Variants in DNAJC6 observed in about 807,000 individuals in gnomAD.
The protein encoded by DNAJC6 is auxilin.
Under a neutral mutation model 110.0 loss-of-function variants are expected in DNAJC6, and 34 were observed. That is an observed-to-expected ratio of 0.31 (90% CI 0.24 to 0.41). The LOEUF (loss-of-function observed/expected upper bound fraction) is 0.41. Ranked by LOEUF, DNAJC6 falls within the 10% of genes least tolerant of loss-of-function variation. The pLI, the probability that DNAJC6 is intolerant of heterozygous loss-of-function variation, is 1.00. For missense variants in DNAJC6, 1,031 were observed against 1,207.8 expected (o/e 0.85, Z 2.17); for synonymous variants, 406 against 437.2 (o/e 0.93, Z 0.89).
At chr1:65,352,510 A>C (rs1645501275) in intron 1 of DNAJC6, among the ~76,000 whole-genome samples, 1 of 152,202 alleles carries the variant, frequency 6.6e-6, no homozygotes, top group Non-Finnish European at 1.5e-5. Context: ...TTATCTGAAA[A>C]ATAAGAGCAA....
intron 1 of DNAJC6, among the ~76,000 whole-genome samples, chr1:65,280,615 C>T (rs1272687519): frequency 6.6e-6 from 1 of 152,078 alleles, no homozygotes; most frequent in Non-Finnish European, 1.5e-5. Flanking sequence ...TTGCTTATTT[C>T]CATGGATAGG....
chr1:65,342,200 G>T (rs1482986789), intron 1 of DNAJC6, among the ~76,000 whole-genome samples: 2 of 152,160 alleles, frequency 1.3e-5, no homozygotes, highest in African/African-American at 4.8e-5. Flanking sequence ...CTAGGGAAGA[G>T]CCTGGCTGTA....
chr1:65,411,457 G>A, intron 18 of DNAJC6, 31 bp downstream of exon 18: 1 of 1,591,562 alleles, frequency 6.3e-7, no homozygotes, highest in Middle Eastern at 1.7e-4. Context: ...TGTGTAACTT[G>A]TCAGGTCCTT....
upstream of DNAJC6, among the ~76,000 whole-genome samples, chr1:65,307,069 T>A (rs996462799): frequency 6.7e-6 from 1 of 149,804 alleles, no homozygotes; most frequent in Non-Finnish European, 1.5e-5. Context: ...TTCTTCTATA[T>A]AATGATGGTA....
chr1:65,381,217 A>C (rs1304851593), intron 5 of DNAJC6, among the ~76,000 whole-genome samples: 2 of 151,618 alleles, frequency 1.3e-5, no homozygotes, highest in Middle Eastern at 3.4e-3. Context: ...CAGGCCTCTT[A>C]TTTTTATCTT....
chr1:65,349,017 T>C (rs920219998), intron 1 of DNAJC6, among the ~76,000 whole-genome samples: 3 of 144,720 alleles, frequency 2.1e-5, no homozygotes, highest in African/African-American at 7.5e-5. Flanking sequence ...TAAGTATATG[T>C]GAATACATAT....
In DNAJC6 at chr1:65,311,877, G is replaced by A. The variant is rs143028588; in HGVS notation, c.193+1939G>A. Among the ~76,000 whole-genome samples, 518 of 152,170 alleles carry A rather than the reference G, an allele frequency of 3.4e-3. 2 individuals are homozygous for A. Among genetic ancestry groups the A allele is most frequent in the African/African-American group, 0.012 (504 of 41,510 alleles). ...AATAAGTTCAACATACATTTTCTGA[G>A]CCCAGCTATGTGCCAAGCACTGTGA... On this transcript the variant is annotated intron_variant, in intron 1 of 18. Transcript: ENST00000371069.
chr1:65,377,243 C>A (rs146329642), intron 4 of DNAJC6, among the ~76,000 whole-genome samples: 72 of 152,256 alleles, frequency 4.7e-4, no homozygotes, highest in African/African-American at 1.7e-3. Context: ...TTGGAGTTTA[C>A]CAAGAGAAGA....
At chr1:65,279,590 CA>C (rs1381412876) in intron 1 of DNAJC6, 1 of 152,146 alleles carries the variant, frequency 6.6e-6, no homozygotes, top group African/African-American at 2.4e-5. Flanking sequence ...CATGCACATG[CA>C]TGCACACACA....
chr1:65,398,964 G>A, intron 14 of DNAJC6, 83 bp downstream of exon 14: 1 of 1,397,286 alleles, frequency 7.2e-7, no homozygotes, highest in Non-Finnish European at 1.0e-6. Context: ...TACTCACAGA[G>A]TATTGTGGCC....
intron 1 of DNAJC6, among the ~76,000 whole-genome samples, chr1:65,267,885 G>GGTGTGTGT (rs59260525): frequency 1.3e-5 from 2 of 149,268 alleles, no homozygotes; most frequent in African/African-American, 2.5e-5. Flanking sequence ...GGTGTGAGGT[G>GGTGTGTGT]GTGTGTGTGT....
intron 4 of DNAJC6, among the ~76,000 whole-genome samples, chr1:65,369,959 C>T (rs1277607495): frequency 1.3e-5 from 2 of 152,154 alleles, no homozygotes; most frequent in Non-Finnish European, 2.9e-5. Context: ...CAAAACAATG[C>T]ATAGCACATA....
chr1:65,382,031 G>T (rs1645827211), intron 5 of DNAJC6, among the ~76,000 whole-genome samples: 1 of 152,214 alleles, frequency 6.6e-6, no homozygotes, highest in Non-Finnish European at 1.5e-5. Context: ...CCAGGCAAAT[G>T]AAGAGAGGAG....
chr1:65,385,495 C>A (rs1441796904), intron 6 of DNAJC6, among the ~76,000 whole-genome samples: 1 of 152,036 alleles, frequency 6.6e-6, no homozygotes, highest in African/African-American at 2.4e-5. Flanking sequence ...AATAAATACC[C>A]CAGTATCAGT....
At chr1:65,328,713 A>G (rs186779724) in intron 1 of DNAJC6, among the ~76,000 whole-genome samples, 1 of 152,356 alleles carries the variant, frequency 6.6e-6, no homozygotes, top group Non-Finnish European at 1.5e-5. Context: ...TTGCTTTTGC[A>G]TCTGAGGCCA....
Position 65,341,600 on chromosome 1 carries a change from A to G in DNAJC6, c.194-23035A>G, listed in dbSNP as rs1645389973. On this transcript the variant is annotated intron_variant, in intron 1 of 18. Transcript: ENST00000371069. ...ACCACAAAGGGACTTGACAATGGGC[A>G]GGTTTCCAAGTCTGTAGAGTGGTTC... Among the ~76,000 whole-genome samples the G allele has an allele frequency of 2.6e-5, 4 of 152,202 alleles. No homozygotes were observed. In the South Asian group the frequency reaches 8.3e-4, roughly 32 times the overall value.
intron 1 of DNAJC6, among the ~76,000 whole-genome samples, chr1:65,288,732 A>T (rs1336473): frequency 0.46 from 70,436 of 151,978 alleles, 16,326 homozygotes; most frequent in South Asian, 0.56. Flanking sequence ...CTGTAGATTC[A>T]TTTTGTTCAT....
At chr1:65,392,923 A>G (rs1489419600) in intron 12 of DNAJC6, 58 bp downstream of exon 12, 1 of 1,410,030 alleles carries the variant, frequency 7.1e-7, no homozygotes, top group South Asian at 1.8e-5. Flanking sequence ...CTTTGGGCCA[A>G]ATAGGTGGAA....
chr1:65,312,793 A>T (rs187084098), intron 1 of DNAJC6, among the ~76,000 whole-genome samples: 9 of 152,180 alleles, frequency 5.9e-5, no homozygotes, highest in Non-Finnish European at 1.2e-4. Flanking sequence ...CTCGCTGAAA[A>T]ACCTAGTAAC....
Sources: gnomAD v4.1 joint callset for allele counts (sites outside exome capture counted in the v4.1 genomes callset) on GRCh38, gnomAD v4.1.1 for gene constraint, MANE v1.5 for transcripts, NCBI Gene and HGNC (gene_info 2026-07-23, HGNC 2026-07-21) for gene names.